MDFI: variants seen among roughly 807,000 people sequenced by gnomAD.
MDFI encodes the protein inhibitor of MyoD family a.
MDFI carries 16 observed loss-of-function variants against 22.3 expected under a neutral mutation model. That is an observed-to-expected ratio of 0.72 (90% confidence interval 0.49 to 1.09). The LOEUF is 1.09. Ranked by LOEUF, MDFI falls within the 50% of genes least tolerant of loss-of-function variation. The pLI, the probability that MDFI is intolerant of heterozygous loss-of-function variation, is 0.00. For synonymous variants in MDFI, 145 were observed against 142.7 expected, an observed-to-expected ratio of 1.02 and a Z score of -0.12; for missense variants, 314 against 326.1, an observed-to-expected ratio of 0.96 and a Z score of 0.29.
chr6:41,648,680 C>T (rs1219824002), intron 3 of MDFI, among the ~76,000 whole-genome samples: 2 of 152,172 alleles, frequency 1.3e-5, no homozygotes, highest in African/African-American at 4.8e-5. Flanking sequence ...CCCTGCACAG[C>T]TGAGGGGCCC....
At chr6:41,638,149 CAG>C (rs1767702827), upstream of MDFI, 1 of 152,608 alleles carries the variant, frequency 6.6e-6, no homozygotes, top group African/African-American at 2.4e-5. The surrounding 1 kb of genome is among the most constrained non-coding windows in gnomAD (Gnocchi z 7.6). Context: ...GAAACTTTTG[CAG>C]AGTTTGGACA....
At position 41,653,346 on chromosome 6, in the gene MDFI, G is replaced by A. The variant is rs370457777; in HGVS notation, c.512G>A (p.Cys171Tyr). The change falls in exon 5 of 5, where the codon TGC becomes TAC. Residue 171 changes from cysteine (C) to tyrosine (Y), a missense_variant. Cys to Tyr is a radical substitution (Grantham distance 194). Coordinates refer to ENST00000230321, the MANE Select transcript of MDFI (RefSeq NM_005586.4). The surrounding 1 kb of genome is among the most constrained non-coding windows in gnomAD (Gnocchi z 4.2). ...TGCTGTGTCCACTGCATCCTGTCCT[G>A]CCTGTTCTGCGAGTTCCTGACGCTG... Reference protein sequence around the residue: ...EDCCVHCILSCLFCEFLTLCN... With the variant: ...EDCCVHCILSYLFCEFLTLCN... 3 of 1,612,510 alleles carry A rather than the reference G, an allele frequency of 1.9e-6. No homozygotes were observed. The highest frequency in any genetic ancestry group is 3.3e-5 in the Admixed American group (2 of 59,986).
Position 41,653,487 on chromosome 6 carries a change from T to A in MDFI, c.653T>A (p.Leu218Gln). 1 of 1,603,232 alleles carries A rather than the reference T, an allele frequency of 6.2e-7. No individual in the cohort carries two copies. The change falls in exon 5 of 5, where the codon CTG (leucine) becomes CAG (glutamine). Residue 218 changes from leucine (L) to glutamine (Q), a missense_variant. Transcript: ENST00000230321. This position sits in a 1 kb window ranked among gnomAD's most constrained non-coding sequence, Gnocchi z 4.2. ...GCCGACTGCGACCTGCCCTGCGACC[T>A]GGACTGCGGCATCCTGGATGCCTGC... ...ECADCDLPCD[L>Q]DCGILDACCE...
intron 2 of MDFI, chr6:41,639,871 C>T (rs941112026): frequency 9.1e-6 from 9 of 985,320 alleles, no homozygotes; most frequent in Non-Finnish European, 1.1e-5. Flanking sequence ...CCCTCGAAGC[C>T]GGCCTGCCTG....
intron 2 of MDFI, among the ~76,000 whole-genome samples, chr6:41,644,127 C>A (rs574038347): frequency 6.6e-6 from 1 of 151,988 alleles, no homozygotes; most frequent in Admixed American, 6.5e-5. Flanking sequence ...AGGAGAGGCA[C>A]CATCTAGCAC....
chr6:41,649,912 G>C (rs1297278866), intron 4 of MDFI, 69 bp downstream of exon 4: 2 of 1,372,962 alleles, frequency 1.5e-6, no homozygotes, highest in African/African-American at 2.9e-5. Context: ...ATGACGCATG[G>C]GCCCACTGGA....
rs892049752 is a variant in MDFI at position 41,646,064 on chromosome 6, C to T, written c.77-62C>T. ...GCATGCTGGGCTGTGGGGCGGGGCCCACGGCTGGGCAAACAGGAAGGCCCC... is the reference window on the plus strand; with the variant it reads ...GCATGCTGGGCTGTGGGGCGGGGCCTACGGCTGGGCAAACAGGAAGGCCCC... On this transcript the variant is annotated intron_variant, in intron 2 of 4. Coordinates refer to ENST00000230321, the MANE Select transcript of MDFI (RefSeq NM_005586.4). 28 of 1,387,722 alleles carry T rather than the reference C, an allele frequency of 2.0e-5. No individual in the cohort carries two copies. In the East Asian group the frequency reaches 6.6e-4, roughly 33 times the overall value. The allele number at this position is 1,387,722 out of a possible 1,614,324, so 86.0% of individuals were successfully genotyped here.
At chr6:41,649,906 C>T (rs998737522) in intron 4 of MDFI, 63 bp downstream of exon 4, 50 of 1,441,972 alleles carry the variant, frequency 3.5e-5, no homozygotes, top group East Asian at 3.0e-4. Context: ...CGAAGCATGA[C>T]GCATGGGCCC....
intron 4 of MDFI, among the ~76,000 whole-genome samples, chr6:41,652,405 A>G (rs913195037): frequency 6.6e-6 from 1 of 151,884 alleles, no homozygotes; most frequent in Non-Finnish European, 1.5e-5. Context: ...CACAAGCGAC[A>G]TGTGAACCAT....
Position 41,652,253 on chromosome 6 carries a change from G to C in MDFI, c.485-1066G>C, listed in dbSNP as rs1364708214. Among the ~76,000 whole-genome samples the C allele has an allele frequency of 3.3e-5, 5 of 152,240 alleles. No homozygotes were observed. The East Asian group carries it at 9.6e-4, about 29-fold the overall frequency. ...GTTCCAGGCAGAGGAATCAGCGCCT[G>C]CATGGCCAAGGAGCAGCCAGGAGGC... is the stretch of plus-strand genomic sequence containing the variant. On this transcript the variant is annotated intron_variant, in intron 4 of 4. Transcript: ENST00000230321.
chr6:41,645,266 A>C (rs1768004285), intron 2 of MDFI, among the ~76,000 whole-genome samples: 11 of 148,556 alleles, frequency 7.4e-5, no homozygotes, highest in African/African-American at 1.2e-4. Context: ...TCCCTCCCTC[A>C]CCTCCCATCC....
chr6:41,649,863 C>A lies in MDFI; in HGVS notation c.484+20C>A. The A allele has an allele frequency of 1.2e-6, 2 of 1,605,776 alleles. No individual in the cohort carries two copies. The highest frequency in any genetic ancestry group is 1.7e-6 in the Non-Finnish European group (2 of 1,174,934). On this transcript the variant is annotated intron_variant, in intron 4 of 4. Coordinates refer to ENST00000230321, the MANE Select transcript of MDFI (RefSeq NM_005586.4). ...AGGAAGGTAAGCACCCATCCCATCTCTCCCTGGGAGAGGCCTCCAAAGCCG... is the reference window on the plus strand; with the variant it reads ...AGGAAGGTAAGCACCCATCCCATCTATCCCTGGGAGAGGCCTCCAAAGCCG...
intron 2 of MDFI, chr6:41,639,353 G>C (rs1447417571): frequency 2.0e-6 from 2 of 984,660 alleles, no homozygotes; most frequent in African/African-American, 3.5e-5. Context: ...CTTCCCTCTC[G>C]TGCCGGCCAG....
intron 2 of MDFI, chr6:41,639,235 C>T (rs771034432): frequency 3.0e-6 from 3 of 985,228 alleles, no homozygotes; most frequent in Non-Finnish European, 3.6e-6. Flanking sequence ...ACTTCCCTTC[C>T]CCCAGCCCAA....
In MDFI at chr6:41,638,889, T is replaced by G; in HGVS notation, c.76+64T>G. Reference sequence around the variant, plus strand: ...GGTGGGCGGCTGAAGGGGCCAGTTATTAGTTCTCCTCTCCGTCCCCAGACG... The same window carrying G: ...GGTGGGCGGCTGAAGGGGCCAGTTAGTAGTTCTCCTCTCCGTCCCCAGACG... On this transcript the variant is annotated intron_variant, in intron 2 of 4. Transcript: ENST00000230321. The surrounding 1 kb of genome is among the most constrained non-coding windows in gnomAD (Gnocchi z 7.6). 6.8e-7 allele frequency: 1 copy of G among 1,465,214 alleles called. No homozygotes were observed. Among genetic ancestry groups the G allele is most frequent in the Non-Finnish European group, 9.1e-7 (1 of 1,094,650 alleles). 90.8% of individuals were successfully genotyped at this position (1,465,214 alleles called of 1,614,324 possible). A position where few individuals can be genotyped will look rare whatever the true frequency, so the allele number is the denominator to read the frequency against.
At position 41,638,848 on chromosome 6, in the gene MDFI, A is replaced by G. The variant is rs780806663; in HGVS notation, c.76+23A>G. Reference sequence around the variant, plus strand: ...CAGGTAGGACCGGGAGTGGCGAGCGAAGCTGGACAGGGGCGGGTGGGCGGC... The same window carrying G: ...CAGGTAGGACCGGGAGTGGCGAGCGGAGCTGGACAGGGGCGGGTGGGCGGC... On this transcript the variant is annotated intron_variant, in intron 2 of 4. Coordinates refer to ENST00000230321, the MANE Select transcript of MDFI (RefSeq NM_005586.4). This position sits in a 1 kb window ranked among gnomAD's most constrained non-coding sequence, Gnocchi z 7.6. 4 of 1,539,060 alleles carry G rather than the reference A, an allele frequency of 2.6e-6. No homozygotes were observed. The South Asian group carries it at 4.8e-5, about 18-fold the overall frequency.
At position 41,643,532 on chromosome 6, in the gene MDFI, G is replaced by GGAA. The variant is rs1561829502; in HGVS notation, c.77-2593_77-2592insAAG. Among the ~76,000 whole-genome samples, 66 of 130,068 alleles carry GGAA rather than the reference G, an allele frequency of 5.1e-4. 1 individual carries two copies. The highest frequency in any genetic ancestry group is 2.0e-3 in the African/African-American group (64 of 32,332). The allele number at this position is 130,068 out of a possible 152,430, so 85.3% of individuals were successfully genotyped here. A position where few individuals can be genotyped will look rare whatever the true frequency, so the allele number is the denominator to read the frequency against. ...GTTAAACCACACAGCACAGGAAGGA[G>GGAA]GGAAGGAGGGAAGGAGGGAAGGAAG... is the stretch of plus-strand genomic sequence containing the variant. On this transcript the variant is annotated intron_variant, in intron 2 of 4. Transcript: ENST00000230321.
chr6:41,647,951 G>A (rs1768114866), intron 3 of MDFI, among the ~76,000 whole-genome samples: 1 of 149,884 alleles, frequency 6.7e-6, no homozygotes. Context: ...GGCTGAGGCA[G>A]GAGAATGGTG....
At chr6:41,637,349 C>T (rs957205134), upstream of MDFI, 1 of 152,074 alleles carries the variant, frequency 6.6e-6, no homozygotes, top group Non-Finnish European at 1.5e-5. This position sits in a 1 kb window ranked among gnomAD's most constrained non-coding sequence, Gnocchi z 6.8. Flanking sequence ...CGTCCCAGCT[C>T]TCCACTTCCA....
Sources: gnomAD v4.1 joint callset for allele counts (sites outside exome capture counted in the v4.1 genomes callset) on GRCh38, gnomAD v4.1.1 for gene constraint, Gnocchi (gnomAD v3.1) non-coding constraint, MANE v1.5 for transcripts, NCBI Gene and HGNC (gene_info 2026-07-23, HGNC 2026-07-21) for gene names.